Variants in RNF157 observed in about 807,000 individuals in gnomAD.
RNF157 encodes the protein E3 ubiquitin ligase RNF157.
Under a neutral mutation model 88.3 loss-of-function variants are expected in RNF157, and 55 were observed. The observed-to-expected ratio is 0.62, with a 90% confidence interval of 0.50 to 0.78. RNF157 has a LOEUF of 0.78. RNF157 is among the 30% of genes least tolerant of loss of function. RNF157 has a pLI of 0.00. For missense variants in RNF157, 788 were observed against 860.8 expected (o/e 0.92, Z 1.06); for synonymous variants, 334 against 341.2 (o/e 0.98, Z 0.23).
At chr17:76,164,708 G>T in intron 8 of RNF157, 40 bp downstream of exon 8, 1 of 1,250,288 alleles carries the variant, frequency 8.0e-7, no homozygotes, top group Non-Finnish European at 1.1e-6. Context: ...AAGGAAGGAA[G>T]GACCCTAATA....
intron 1 of RNF157, among the ~76,000 whole-genome samples, chr17:76,225,578 T>C (rs1047327081): frequency 4.0e-5 from 6 of 151,390 alleles, no homozygotes; most frequent in Non-Finnish European, 7.4e-5. Flanking sequence ...GATCTGCAAG[T>C]TGCTTTCACC....
intron 1 of RNF157, among the ~76,000 whole-genome samples, chr17:76,218,379 G>A (rs965384442): frequency 6.6e-5 from 10 of 152,278 alleles, no homozygotes; most frequent in East Asian, 3.9e-4. Context: ...AGTGGCTCAC[G>A]CCTGCAATCC....
At position 76,202,128 on chromosome 17, in the gene RNF157, TCACACACA is replaced by T. The variant is rs60491535; in HGVS notation, c.207+10228_207+10235del. On this transcript the variant is annotated intron_variant, in intron 2 of 18. Transcript: ENST00000269391. Reference sequence around the variant, plus strand: ...ATCTCAGTTTCTCTCTCTCTCTCTCTCACACACACACACACACACACACACACACACAC... The same window carrying T: ...ATCTCAGTTTCTCTCTCTCTCTCTCTCACACACACACACACACACACACAC... Among the ~76,000 whole-genome samples the T allele has an allele frequency of 3.8e-3, 514 of 134,652 alleles. 2 individuals carry two copies. Among genetic ancestry groups the T allele is most frequent in the Middle Eastern group, 0.011 (3 of 266 alleles). The allele number at this position is 134,652 out of a possible 152,430, so 88.3% of individuals were successfully genotyped here. A position where few individuals can be genotyped will look rare whatever the true frequency, so the allele number is the denominator to read the frequency against.
intron 18 of RNF157, among the ~76,000 whole-genome samples, chr17:76,149,902 C>T (rs191657318): frequency 1.2e-4 from 19 of 152,070 alleles, no homozygotes; most frequent in African/African-American, 2.2e-4. Context: ...GGCGTGGTGG[C>T]GGGCGCCTGT....
intron 17 of RNF157, chr17:76,153,307 T>TG (rs2068710420): frequency 6.6e-6 from 1 of 152,260 alleles, no homozygotes. Context: ...CCCCTTGGGC[T>TG]GGGGTGCAAG....
intron 6 of RNF157, among the ~76,000 whole-genome samples, chr17:76,165,925 G>A (rs532640081): frequency 2.6e-5 from 4 of 151,864 alleles, no homozygotes; most frequent in Non-Finnish European, 5.9e-5. Flanking sequence ...TGATCTGCCC[G>A]CCTCAGCCTC....
In RNF157 at chr17:76,155,579, G is replaced by A. The variant is rs376187556; in HGVS notation, c.1681C>T (p.Pro561Ser). 9.3e-6 allele frequency: 15 copies of A among 1,612,354 alleles called. No homozygotes were observed. Among genetic ancestry groups the A allele is most frequent in the African/African-American group, 2.7e-5 (2 of 74,818 alleles). The change falls in exon 15 of 19, where the codon CCC (proline) becomes TCC (serine). Residue 561 changes from proline (P) to serine (S), a missense_variant. Coordinates refer to ENST00000269391, the MANE Select transcript of RNF157 (RefSeq NM_052916.3). ...LSSPQPASRA[P>S]SEEGEGLPAE... Reference sequence around the variant, plus strand: ...TCCCTTACCTCTCCTTCTTCTGAGGGGGCCCTGCTGGCAGGCTGGGGGGAA... The same window carrying A: ...TCCCTTACCTCTCCTTCTTCTGAGGAGGCCCTGCTGGCAGGCTGGGGGGAA...
rs1346713079 is a variant in RNF157, at chr17:76,160,968, T to C, written c.1065+567A>G. ...GCTAAACTAATTTTTCCTCCTGAAATAGCTAACTAATTATCCCAATACCAT... is the reference window on the plus strand; with the variant it reads ...GCTAAACTAATTTTTCCTCCTGAAACAGCTAACTAATTATCCCAATACCAT... On this transcript the variant is annotated intron_variant, in intron 11 of 18. Coordinates refer to ENST00000269391, the MANE Select transcript of RNF157 (RefSeq NM_052916.3). This position sits in a 1 kb window ranked among gnomAD's most constrained non-coding sequence, Gnocchi z 4.3. Among the ~76,000 whole-genome samples, 2 of 152,226 alleles carry C rather than the reference T, an allele frequency of 1.3e-5. No individual in the cohort carries two copies. The highest frequency in any genetic ancestry group is 2.4e-5 in the African/African-American group (1 of 41,456).
At chr17:76,164,588 C>CA in intron 8 of RNF157, 160 bp downstream of exon 8, 1 of 490,602 alleles carries the variant, frequency 2.0e-6, no homozygotes, top group Non-Finnish European at 3.5e-6. Flanking sequence ...AAAGCACTCC[C>CA]TTTTTTTCTT....
chr17:76,152,532 A>T, intron 17 of RNF157, 67 bp from the exon 18 acceptor site: 1 of 930,760 alleles, frequency 1.1e-6, no homozygotes, highest in Non-Finnish European at 1.7e-6. Flanking sequence ...TGTCCTTAAA[A>T]TAAAAATCTT....
intron 2 of RNF157, among the ~76,000 whole-genome samples, chr17:76,178,387 C>T (rs2069137785): frequency 6.6e-6 from 1 of 152,262 alleles, no homozygotes; most frequent in African/African-American, 2.4e-5. Context: ...CTGGGGCTGC[C>T]AGCCCCACAG....
At chr17:76,236,920 A>G (rs2070292313) in intron 1 of RNF157, among the ~76,000 whole-genome samples, 1 of 152,240 alleles carries the variant, frequency 6.6e-6, no homozygotes, top group Admixed American at 6.5e-5. Context: ...AAGAAACTCT[A>G]AAAGAATTCC....
At chr17:76,227,143 T>G (rs1598445007) in intron 1 of RNF157, among the ~76,000 whole-genome samples, 1 of 143,566 alleles carries the variant, frequency 7.0e-6, no homozygotes, top group African/African-American at 2.6e-5. Flanking sequence ...GAGACGGGAG[T>G]CTCACTCTTG....
At chr17:76,167,609 T>C in intron 4 of RNF157, 42 bp downstream of exon 4, 2 of 1,612,666 alleles carry the variant, frequency 1.2e-6, no homozygotes, top group Non-Finnish European at 1.7e-6. Context: ...GGCCTGGTAA[T>C]AATCTGGGAA....
At chr17:76,237,501 A>G (rs1183472864) in intron 1 of RNF157, among the ~76,000 whole-genome samples, 1 of 152,206 alleles carries the variant, frequency 6.6e-6, no homozygotes, top group Admixed American at 6.5e-5. Context: ...TGATTCCTCT[A>G]TAGGGACTTC....
chr17:76,210,323 G>A (rs2069761622), intron 2 of RNF157, among the ~76,000 whole-genome samples: 1 of 152,016 alleles, frequency 6.6e-6, no homozygotes, highest in South Asian at 2.1e-4. Flanking sequence ...GCCGGGCGCA[G>A]TGGCTCATGC....
At chr17:76,201,393 T>C (rs1371665725) in intron 2 of RNF157, among the ~76,000 whole-genome samples, 1 of 151,472 alleles carries the variant, frequency 6.6e-6, no homozygotes, top group East Asian at 1.9e-4. Context: ...GTATCTGTAG[T>C]CCCAGCTACC....
intron 18 of RNF157, among the ~76,000 whole-genome samples, chr17:76,149,988 G>A (rs930896961): frequency 1.4e-4 from 22 of 151,964 alleles, no homozygotes; most frequent in African/African-American, 5.1e-4. Context: ...AGCCGAGATC[G>A]CGCCACTGCA....
At chr17:76,235,285 C>T (rs1026797200) in intron 1 of RNF157, among the ~76,000 whole-genome samples, 32 of 151,972 alleles carry the variant, frequency 2.1e-4, no homozygotes, top group African/African-American at 7.5e-4. Context: ...GCAAGCTCCG[C>T]CTCCTGGGTT....
Sources: allele counts gnomAD v4.1 joint callset (sites outside exome capture counted in the v4.1 genomes callset), GRCh38; gene constraint gnomAD v4.1.1; non-coding constraint Gnocchi (gnomAD v3.1); transcripts MANE v1.5; gene names NCBI Gene and HGNC (gene_info 2026-07-23, HGNC 2026-07-21).